The following KLHL5 variants were observed in gnomAD, a reference collection of about 807,000 sequenced individuals.
KLHL5 encodes kelch-like protein 5.
In KLHL5, 48 loss-of-function variants were observed where a neutral mutation model predicts 77.7. That is an observed-to-expected ratio of 0.62 (90% CI 0.49 to 0.79). The LOEUF (loss-of-function observed/expected upper bound fraction) is 0.79. KLHL5 is among the 30% of genes least tolerant of loss of function. KLHL5 has a pLI of 0.00. For missense variants in KLHL5, 723 were observed against 859.7 expected, an observed-to-expected ratio of 0.84 and a Z score of 1.99; for synonymous variants, 260 against 297.0, an observed-to-expected ratio of 0.88 and a Z score of 1.28.
chr4:39,104,534 C>T (rs1289930624), intron 7 of KLHL5, among the ~76,000 whole-genome samples: 1 of 152,128 alleles, frequency 6.6e-6, no homozygotes, highest in East Asian at 1.9e-4. Context: ...TGTGATTGCT[C>T]ATAGTCCAGC....
chr4:39,115,014 T>C (rs1722733716), intron 9 of KLHL5, 145 bp from the exon 10 acceptor site: 1 of 714,772 alleles, frequency 1.4e-6, no homozygotes, highest in Non-Finnish European at 2.2e-6. Context: ...TTCAGAGAAA[T>C]ACTGATATTT....
At chr4:39,093,964 G>A (rs983413156) in intron 5 of KLHL5, among the ~76,000 whole-genome samples, 1 of 151,754 alleles carries the variant, frequency 6.6e-6, no homozygotes, top group African/African-American at 2.4e-5. Flanking sequence ...AAAAATAGAT[G>A]ACTAAATGTT....
upstream of KLHL5, among the ~76,000 whole-genome samples, chr4:39,058,737 G>A (rs910384383): frequency 1.3e-5 from 2 of 151,930 alleles, no homozygotes; most frequent in African/African-American, 4.8e-5. Context: ...TCTTATAATT[G>A]TTGGATTTTA....
chr4:39,134,045 G>A, the KLHL5 span: 1 of 152,066 alleles, frequency 6.6e-6, no homozygotes, highest in South Asian at 2.1e-4. Flanking sequence ...CAAAGAAAAT[G>A]GTAAGCCAAG....
rs1442921347 is a variant in KLHL5, at chr4:39,075,782, A to C, written c.384-183A>C. Among the ~76,000 whole-genome samples, 3 of 152,358 alleles carry C rather than the reference A, an allele frequency of 2.0e-5. No individual in the cohort carries two copies. In the East Asian group the frequency reaches 5.8e-4, roughly 29 times the overall value. On this transcript the variant is annotated intron_variant, in intron 1 of 10. Coordinates refer to ENST00000504108, the MANE Select transcript of KLHL5 (RefSeq NM_015990.5). ...TATATTCACTTACAGTGTTTACAAG[A>C]ATCATATGACTTAAGGCATCATTGA...
chr4:39,120,106 A>G (rs1417013642), intron 10 of KLHL5: 2 of 152,218 alleles, frequency 1.3e-5, no homozygotes, highest in African/African-American at 4.8e-5. Context: ...ATACCCTAAC[A>G]TATATAAGTA....
rs1185842050 is a variant in KLHL5, at chr4:39,120,995, C to T, written c.2074-15C>T. On this transcript the variant is annotated splice_polypyrimidine_tract_variant and intron_variant, in intron 10 of 10. Transcript: ENST00000504108. Reference sequence around the variant, plus strand: ...TAACCTACAGATCCAATACATATCTCTTTTTCCTTTTTAGGTTGCTCCACT... The same window carrying T: ...TAACCTACAGATCCAATACATATCTTTTTTTCCTTTTTAGGTTGCTCCACT... 4.4e-6 allele frequency: 7 copies of T among 1,606,128 alleles called. No individual in the cohort carries two copies. In the Admixed American group the frequency reaches 1.2e-4, roughly 27 times the overall value.
intron 2 of KLHL5, among the ~76,000 whole-genome samples, chr4:39,079,633 AC>A (rs1361377873): frequency 1.3e-5 from 2 of 152,090 alleles, no homozygotes; most frequent in African/African-American, 4.8e-5. Context: ...CCTTTGCCCA[AC>A]TTTTTTTCCC....
intron 1 of KLHL5, among the ~76,000 whole-genome samples, chr4:39,066,090 AACTTTG>A (rs1449629181): frequency 3.9e-5 from 6 of 152,230 alleles, no homozygotes; most frequent in Admixed American, 3.3e-4. Context: ...CTTGTCTTTT[AACTTTG>A]ACTTTGCCTC....
intron 1 of KLHL5, among the ~76,000 whole-genome samples, chr4:39,050,233 T>G (rs1716533951): frequency 6.6e-6 from 1 of 152,226 alleles, no homozygotes; most frequent in African/African-American, 2.4e-5. Flanking sequence ...ATATATAAAC[T>G]GTTACACTTT....
upstream of KLHL5, among the ~76,000 whole-genome samples, chr4:39,058,397 G>A (rs892309775): frequency 1.1e-4 from 16 of 152,126 alleles, 1 homozygote; most frequent in Middle Eastern, 3.2e-3. Flanking sequence ...GGGCCATGGC[G>A]GGTGGATCAC....
At chr4:39,066,274 A>G (rs1427020754) in intron 1 of KLHL5, among the ~76,000 whole-genome samples, 1 of 152,172 alleles carries the variant, frequency 6.6e-6, no homozygotes, top group Admixed American at 6.5e-5. Context: ...GGAGGAATTC[A>G]TACCAGGGCT....
At chr4:39,074,030 T>C (rs1355285240) in intron 1 of KLHL5, among the ~76,000 whole-genome samples, 1 of 152,064 alleles carries the variant, frequency 6.6e-6, no homozygotes, top group Non-Finnish European at 1.5e-5. Flanking sequence ...TTTAAAATAG[T>C]TTCTAATTCT....
At position 39,113,177 on chromosome 4, in the gene KLHL5, G is replaced by A. The variant is rs1208380752; in HGVS notation, c.1846G>A (p.Gly616Arg). The A allele has an allele frequency of 1.2e-6, 2 of 1,613,970 alleles. No individual in the cohort carries two copies. The highest frequency in any genetic ancestry group is 1.7e-6 in the Non-Finnish European group (2 of 1,179,974). The change falls in exon 9 of 11, where the codon GGG becomes AGG. Residue 616 changes from glycine to arginine, a missense_variant. Gly to Arg is a moderately radical substitution (Grantham distance 125). Transcript: ENST00000504108. ...TWNGLLYAIG[G>R]HDAPASNLTS... is the part of the protein sequence containing the mutation. ...GAATGGACTGCTGTATGCTATAGGG[G>A]GGCACGATGCTCCCGCATCCAACTT...
chr4:39,048,553 A>G (rs1716377689), intron 1 of KLHL5, among the ~76,000 whole-genome samples: 1 of 151,614 alleles, frequency 6.6e-6, no homozygotes, highest in South Asian at 2.1e-4. Flanking sequence ...ACAAATGGTC[A>G]GTCTCAGGCT....
chr4:39,047,161 T>C (rs1208103279), intron 1 of KLHL5, among the ~76,000 whole-genome samples: 1 of 152,200 alleles, frequency 6.6e-6, no homozygotes, highest in African/African-American at 2.4e-5. Context: ...CTCACGCCTG[T>C]AATTCCAGCA....
In KLHL5 at chr4:39,103,300, T is replaced by G. The variant is rs758664635; in HGVS notation, c.1314T>G (p.Ile438Met). ...ATTACTATGAAGGAGCAACAAGCATTGAAAAGTATGATCTCCGTACAAATA... is the reference window on the plus strand; with the variant it reads ...ATTACTATGAAGGAGCAACAAGCATGGAAAAGTATGATCTCCGTACAAATA... ...GMDSTKGATS[I>M]EKYDLRTNMW... The change falls in exon 7 of 11, where the codon ATT becomes ATG. Residue 438 changes from isoleucine to methionine, a missense_variant. Ile to Met is a conservative substitution (Grantham distance 10). This residue lies in a region of KLHL5 where 288 missense variants were observed against 400.3 expected (regional missense o/e 0.72). Transcript: ENST00000504108. 2 of 1,612,652 alleles carry G rather than the reference T, an allele frequency of 1.2e-6. No homozygotes were observed. The highest frequency in any genetic ancestry group is 1.7e-6 in the Non-Finnish European group (2 of 1,179,370).
At position 39,086,579 on chromosome 4, in the gene KLHL5, A is replaced by G; in HGVS notation, c.965A>G (p.Lys322Arg). The change falls in exon 5 of 11, where the codon AAG becomes AGG. Residue 322 changes from lysine to arginine, a missense_variant. Lys to Arg is a conservative substitution (Grantham distance 26). This residue lies in a region of KLHL5 where 288 missense variants were observed against 400.3 expected (regional missense o/e 0.72). Transcript: ENST00000504108. ...TTATTACCAGCCAGCGAAATTGCAA[A>G]GCTCTTGGCTAGTGATGACATGAAC... ...FVLLPASEIA[K>R]LLASDDMNIP... The G allele has an allele frequency of 6.2e-7, 1 of 1,614,012 alleles. No individual in the cohort carries two copies. The highest frequency in any genetic ancestry group is 8.5e-7 in the Non-Finnish European group (1 of 1,179,938).
chr4:39,080,774 T>C (rs1450974123), intron 2 of KLHL5, among the ~76,000 whole-genome samples: 1 of 152,138 alleles, frequency 6.6e-6, no homozygotes, highest in East Asian at 1.9e-4. Flanking sequence ...AATGGCTTAG[T>C]TTATTTTCAA....
Sources: gnomAD v4.1 joint callset for allele counts (sites outside exome capture counted in the v4.1 genomes callset) on GRCh38, gnomAD v4.1.1 for gene constraint, gnomAD v4.1.1 regional missense constraint, MANE v1.5 for transcripts, NCBI Gene and HGNC (gene_info 2026-07-23, HGNC 2026-07-21) for gene names.